The following SCLT1 variants were observed in gnomAD, a reference collection of about 807,000 sequenced individuals.
SCLT1 encodes the protein sodium channel and clathrin linker 1.
Under a neutral mutation model 112.8 loss-of-function variants are expected in SCLT1, and 78 were observed. That is an observed-to-expected ratio of 0.69 (90% CI 0.58 to 0.83). The LOEUF (loss-of-function observed/expected upper bound fraction) is 0.83, where lower values mean the gene tolerates loss of function less well. Ranked by LOEUF, SCLT1 falls within the 40% of genes least tolerant of loss-of-function variation. SCLT1 has a pLI of 0.00. For missense variants in SCLT1, 747 were observed against 770.4 expected, an observed-to-expected ratio of 0.97 and a Z score of 0.36; for synonymous variants, 257 against 254.7, an observed-to-expected ratio of 1.01 and a Z score of -0.09.
chr4:129,032,812 T>C (rs1051989505), intron 5 of SCLT1, among the ~76,000 whole-genome samples: 7 of 152,044 alleles, frequency 4.6e-5, no homozygotes, highest in South Asian at 2.1e-4. Flanking sequence ...AGAATGGCAA[T>C]CATTAAAAAG....
chr4:129,080,845 G>A (rs1751867596), intron 2 of SCLT1, among the ~76,000 whole-genome samples: 1 of 152,140 alleles, frequency 6.6e-6, no homozygotes, highest in African/African-American at 2.4e-5. Context: ...AAGAAAAAAA[G>A]GTTTAGTTGG....
At chr4:129,088,652 T>C (rs1752592276) in intron 1 of SCLT1, among the ~76,000 whole-genome samples, 1 of 152,232 alleles carries the variant, frequency 6.6e-6, no homozygotes, top group South Asian at 2.1e-4. Context: ...ATGAATGAGT[T>C]TGGCAAGGCT....
At chr4:129,031,658 C>T (rs1054512789) in intron 5 of SCLT1, among the ~76,000 whole-genome samples, 4 of 152,112 alleles carry the variant, frequency 2.6e-5, no homozygotes, top group African/African-American at 4.8e-5. Context: ...GATTCCTATA[C>T]AACAACAATA....
intron 18 of SCLT1, among the ~76,000 whole-genome samples, chr4:128,918,620 A>T (rs1022002654): frequency 1.3e-5 from 2 of 152,190 alleles, no homozygotes; most frequent in Non-Finnish European, 2.9e-5. Context: ...AAATGCTCCA[A>T]ATTAAACGGC....
chr4:129,028,280 T>A (rs1343499202), intron 5 of SCLT1, among the ~76,000 whole-genome samples: 1 of 152,082 alleles, frequency 6.6e-6, no homozygotes, highest in Admixed American at 6.6e-5. Flanking sequence ...CAAACTATAC[T>A]GCAAGGCTAC....
chr4:129,055,027 G>T (rs184422171), intron 2 of SCLT1, among the ~76,000 whole-genome samples: 13 of 152,288 alleles, frequency 8.5e-5, no homozygotes, highest in African/African-American at 3.1e-4. Context: ...CTCTTCTACA[G>T]GTCTGCTGCA....
chr4:129,055,806 G>A (rs1749316388), intron 2 of SCLT1, among the ~76,000 whole-genome samples: 1 of 150,576 alleles, frequency 6.6e-6, no homozygotes, highest in South Asian at 2.1e-4. Flanking sequence ...GGGGTTCCAG[G>A]CGCCACTGGC....
At chr4:129,013,082 T>C (rs765328843) in intron 5 of SCLT1, among the ~76,000 whole-genome samples, 11 of 152,186 alleles carry the variant, frequency 7.2e-5, no homozygotes, top group Non-Finnish European at 2.9e-5. Context: ...TATTATTTCA[T>C]TACCCAGGTA....
intron 18 of SCLT1, among the ~76,000 whole-genome samples, chr4:128,898,708 C>T (rs1734001535): frequency 6.6e-6 from 1 of 152,074 alleles, no homozygotes; most frequent in African/African-American, 2.4e-5. Context: ...ACACAAAAAT[C>T]CCTTCAAAAA....
At chr4:128,933,108 T>G (rs891603767) in intron 18 of SCLT1, among the ~76,000 whole-genome samples, 1 of 152,066 alleles carries the variant, frequency 6.6e-6, no homozygotes, top group Admixed American at 6.5e-5. Context: ...ATCCAAAAAT[T>G]TGTATGGAAC....
In SCLT1 at chr4:129,093,397, T is replaced by A; in HGVS notation, c.-294A>T. On this transcript the variant is annotated 5_prime_UTR_variant, in exon 1 of 21. Coordinates refer to ENST00000281142, the MANE Select transcript of SCLT1 (RefSeq NM_144643.4). Reference sequence around the variant, plus strand: ...GCGGTCGATACAGGCGTCCCGCGGGTCACTCTGGGTCTCGTCGGGCCACCT... The same window carrying A: ...GCGGTCGATACAGGCGTCCCGCGGGACACTCTGGGTCTCGTCGGGCCACCT... 2.1e-6 allele frequency: 1 copy of A among 477,944 alleles called. No individual in the cohort carries two copies. 29.6% of individuals were successfully genotyped at this position (477,944 alleles called of 1,614,324 possible). A position where few individuals can be genotyped will look rare whatever the true frequency, so the allele number is the denominator to read the frequency against.
chr4:129,009,597 G>C (rs1251427540), intron 5 of SCLT1, among the ~76,000 whole-genome samples: 1 of 151,416 alleles, frequency 6.6e-6, no homozygotes, highest in African/African-American at 2.4e-5. Context: ...CAGTGTAAAA[G>C]CATTCCCTTT....
At chr4:128,976,454 A>G (rs1741182866) in intron 9 of SCLT1, among the ~76,000 whole-genome samples, 1 of 152,212 alleles carries the variant, frequency 6.6e-6, no homozygotes, top group Admixed American at 6.5e-5. Flanking sequence ...CAGACTATTC[A>G]AATCTCTTAT....
chr4:129,002,685 G>A (rs946979498), intron 6 of SCLT1, among the ~76,000 whole-genome samples: 3 of 152,112 alleles, frequency 2.0e-5, no homozygotes, highest in African/African-American at 7.2e-5. Flanking sequence ...ATGAAAAAAA[G>A]CTCATTATTA....
At chr4:128,899,838 A>C (rs1303675951) in intron 18 of SCLT1, among the ~76,000 whole-genome samples, 6 of 152,230 alleles carry the variant, frequency 3.9e-5, no homozygotes, top group African/African-American at 1.4e-4. Flanking sequence ...CTCAGGATAC[A>C]AAATCAATGT....
chr4:128,957,270 T>C, intron 12 of SCLT1, 146 bp from the exon 13 acceptor site: 3 of 518,658 alleles, frequency 5.8e-6, no homozygotes, highest in Non-Finnish European at 1.0e-5. Flanking sequence ...ACGAATGATA[T>C]TTATTTTCCC....
chr4:129,029,221 C>T (rs542802562), intron 5 of SCLT1, among the ~76,000 whole-genome samples: 9 of 152,122 alleles, frequency 5.9e-5, no homozygotes, highest in African/African-American at 9.6e-5. Context: ...TAAAGACACA[C>T]GCACATGTAT....
intron 1 of SCLT1, among the ~76,000 whole-genome samples, chr4:129,088,504 G>C (rs1752582444): frequency 6.6e-6 from 1 of 152,174 alleles, no homozygotes; most frequent in Non-Finnish European, 1.5e-5. Flanking sequence ...TACTGTACCA[G>C]AGATTCTAGC....
intron 18 of SCLT1, among the ~76,000 whole-genome samples, chr4:128,922,936 G>T (rs1735994773): frequency 6.6e-6 from 1 of 152,248 alleles, no homozygotes; most frequent in Middle Eastern, 3.4e-3. Flanking sequence ...TAAAGAGGGT[G>T]AGAGACAAAT....
Sources: allele counts gnomAD v4.1 joint callset (sites outside exome capture counted in the v4.1 genomes callset), GRCh38; gene constraint gnomAD v4.1.1; transcripts MANE v1.5; gene names NCBI Gene and HGNC (gene_info 2026-07-23, HGNC 2026-07-21).